The following PTPRD variants were observed in gnomAD, a reference collection of about 807,000 sequenced individuals.
PTPRD encodes the protein protein tyrosine phosphatase receptor type D.
In PTPRD, 34 loss-of-function variants were observed where a neutral mutation model predicts 214.5. The ratio of observed to expected loss-of-function variants is 0.16; its 90% CI spans 0.12 to 0.21. PTPRD has a LOEUF of 0.21. Ranked by LOEUF, PTPRD falls within the 10% of genes least tolerant of loss-of-function variation. PTPRD has a pLI of 1.00. For missense variants in PTPRD, 2,545 were observed against 2,398.7 expected, an observed-to-expected ratio of 1.06 and a Z score of -1.27; for synonymous variants, 1,128 against 845.7, an observed-to-expected ratio of 1.33 and a Z score of -5.79.
intron 11 of PTPRD, among the ~76,000 whole-genome samples, chr9:8,769,044 CTG>C (rs1304923701): frequency 1.3e-5 from 2 of 152,120 alleles, no homozygotes; most frequent in Admixed American, 6.6e-5. Context: ...CCACCTAATT[CTG>C]TGTGTTAGCA....
chr9:8,850,551 C>T (rs924293829), intron 11 of PTPRD, among the ~76,000 whole-genome samples: 7 of 151,842 alleles, frequency 4.6e-5, no homozygotes, highest in African/African-American at 1.7e-4. Flanking sequence ...TTTTCTTCCC[C>T]CTCCCCGAGA....
At chr9:10,533,042 G>T (rs1311914857) in intron 2 of PTPRD, among the ~76,000 whole-genome samples, 1 of 152,020 alleles carries the variant, frequency 6.6e-6, no homozygotes, top group Admixed American at 6.6e-5. Flanking sequence ...TCTCCAGATA[G>T]GGTGAGTTCT....
chr9:8,421,922 T>G (rs2094391205), intron 35 of PTPRD, among the ~76,000 whole-genome samples: 1 of 151,264 alleles, frequency 6.6e-6, no homozygotes. Flanking sequence ...CCAAGGCAGG[T>G]GGATAGCCTG....
At chr9:9,983,854 A>G (rs764444196) in intron 4 of PTPRD, among the ~76,000 whole-genome samples, 8 of 152,172 alleles carry the variant, frequency 5.3e-5, no homozygotes, top group Non-Finnish European at 8.8e-5. Context: ...TTTGGAGGGT[A>G]ATGACACAGG....
At chr9:9,981,926 C>A (rs1171703178) in intron 4 of PTPRD, among the ~76,000 whole-genome samples, 1 of 152,046 alleles carries the variant, frequency 6.6e-6, no homozygotes, top group Non-Finnish European at 1.5e-5. Flanking sequence ...CAAGGTGTCT[C>A]AAACACAAAT....
intron 2 of PTPRD, among the ~76,000 whole-genome samples, chr9:10,553,498 A>AT (rs1489266662): frequency 6.6e-6 from 1 of 152,108 alleles, no homozygotes; most frequent in Non-Finnish European, 1.5e-5. Flanking sequence ...ACCTCCAGAG[A>AT]TTTTTCCAAA....
chr9:9,039,177 C>T (rs2099631507), intron 10 of PTPRD, among the ~76,000 whole-genome samples: 1 of 152,100 alleles, frequency 6.6e-6, no homozygotes, highest in Non-Finnish European at 1.5e-5. Flanking sequence ...GACCTCCAGG[C>T]TAAGGCCAAA....
intron 8 of PTPRD, among the ~76,000 whole-genome samples, chr9:9,471,961 A>C (rs1173171170): frequency 6.6e-6 from 1 of 152,152 alleles, no homozygotes; most frequent in South Asian, 2.1e-4. Context: ...CCTATAAATG[A>C]AAAACACATT....
chr9:9,095,323 C>A (rs988534697), intron 10 of PTPRD, among the ~76,000 whole-genome samples: 3 of 152,078 alleles, frequency 2.0e-5, no homozygotes, highest in Non-Finnish European at 4.4e-5. Flanking sequence ...GACCTTTATT[C>A]ACAGCCAATA....
intron 2 of PTPRD, among the ~76,000 whole-genome samples, chr9:10,449,165 A>C (rs112260215): frequency 0.022 from 3,327 of 151,668 alleles, 173 homozygotes; most frequent in African/African-American, 0.076. Context: ...TCAGCCTGCC[A>C]AGTGCCTGGG....
intron 9 of PTPRD, among the ~76,000 whole-genome samples, chr9:9,353,223 T>C (rs1188105492): frequency 6.6e-6 from 1 of 151,906 alleles, no homozygotes; most frequent in Non-Finnish European, 1.5e-5. Context: ...CAAAATATTT[T>C]AATGTCTGTT....
intron 2 of PTPRD, among the ~76,000 whole-genome samples, chr9:10,602,888 C>A (rs984916887): frequency 3.3e-5 from 5 of 151,660 alleles, no homozygotes; most frequent in Non-Finnish European, 5.9e-5. Flanking sequence ...GCAGATGGGA[C>A]CCTGTTGATC....
intron 3 of PTPRD, among the ~76,000 whole-genome samples, chr9:10,277,794 C>T (rs1444863450): frequency 1.3e-5 from 2 of 152,098 alleles, no homozygotes; most frequent in African/African-American, 4.8e-5. Flanking sequence ...AAACTAAATC[C>T]TTCCCCAAGG....
Position 9,924,415 on chromosome 9 carries a change from T to C in PTPRD, c.-368+14092A>G, listed in dbSNP as rs1051202651. ...TCTGTTGCTGTTATTATAAGCCTCT[T>C]AATATAATACTATTTGATTACTAGA... On this transcript the variant is annotated intron_variant, in intron 5 of 45. Transcript: ENST00000381196. Among the ~76,000 whole-genome samples, 52 of 152,202 alleles carry C rather than the reference T, an allele frequency of 3.4e-4. 1 individual carries two copies. The highest frequency in any genetic ancestry group is 1.2e-3 in the African/African-American group (51 of 41,560).
At chr9:8,446,665 G>C (rs990695744) in intron 34 of PTPRD, among the ~76,000 whole-genome samples, 19 of 152,078 alleles carry the variant, frequency 1.2e-4, no homozygotes, top group African/African-American at 4.1e-4. Context: ...GCGTTATAAT[G>C]TTTGGGGATA....
chr9:9,773,358 T>C (rs1048935264), intron 5 of PTPRD, among the ~76,000 whole-genome samples: 1 of 152,164 alleles, frequency 6.6e-6, no homozygotes, highest in Non-Finnish European at 1.5e-5. Flanking sequence ...CCCACAGTTA[T>C]AATATATGAA....
At chr9:8,754,663 A>C (rs1204919394) in intron 11 of PTPRD, among the ~76,000 whole-genome samples, 1 of 152,238 alleles carries the variant, frequency 6.6e-6, no homozygotes, top group African/African-American at 2.4e-5. Flanking sequence ...ACAAAAGAAT[A>C]TCTTTGTAGC....
intron 2 of PTPRD, among the ~76,000 whole-genome samples, chr9:10,554,282 T>G (rs2061983113): frequency 6.6e-6 from 1 of 152,182 alleles, no homozygotes; most frequent in African/African-American, 2.4e-5. Context: ...TCTGGTGAAG[T>G]CATTCAATAA....
At chr9:8,969,296 C>T (rs2099221416) in intron 11 of PTPRD, among the ~76,000 whole-genome samples, 1 of 152,048 alleles carries the variant, frequency 6.6e-6, no homozygotes, top group South Asian at 2.1e-4. Flanking sequence ...AGACAACCAT[C>T]TTGGAGAATG....
Sources: allele counts gnomAD v4.1 joint callset (sites outside exome capture counted in the v4.1 genomes callset), GRCh38; gene constraint gnomAD v4.1.1; transcripts MANE v1.5; gene names NCBI Gene and HGNC (gene_info 2026-07-23, HGNC 2026-07-21).